Variants in MEMO1 observed in about 807,000 individuals in gnomAD.
The protein encoded by MEMO1 is mediator of cell motility 1.
Under a neutral mutation model 45.2 loss-of-function variants are expected in MEMO1, and 6 were observed. That is an observed-to-expected ratio of 0.13 (90% confidence interval 0.07 to 0.26). The LOEUF (loss-of-function observed/expected upper bound fraction) is 0.26. MEMO1 is among the 10% of genes least tolerant of loss of function. The pLI is 1.00. For synonymous variants in MEMO1, 78 were observed against 124.3 expected (o/e 0.63, Z 2.48); for missense variants, 184 against 370.5 (o/e 0.50, Z 4.13).
At chr2:31,903,245 C>T (rs1287916458) in intron 6 of MEMO1, among the ~76,000 whole-genome samples, 2 of 152,090 alleles carry the variant, frequency 1.3e-5, no homozygotes, top group Non-Finnish European at 1.5e-5. Context: ...TAGAAGCAGT[C>T]CCAGTATCTT....
intron 7 of MEMO1, among the ~76,000 whole-genome samples, chr2:31,884,631 A>C (rs1267349531): frequency 6.6e-6 from 1 of 152,244 alleles, no homozygotes; most frequent in Non-Finnish European, 1.5e-5. Flanking sequence ...ACCACACATC[A>C]TAGAACTGAA....
chr2:31,882,519 G>GA (rs566741050), intron 8 of MEMO1, among the ~76,000 whole-genome samples: 15 of 150,372 alleles, frequency 1.0e-4, no homozygotes, highest in South Asian at 2.1e-4. Flanking sequence ...AAATTTGAAG[G>GA]AAAAAAAAAG....
At chr2:31,891,712 G>T (rs769777894) in intron 7 of MEMO1, among the ~76,000 whole-genome samples, 8 of 152,150 alleles carry the variant, frequency 5.3e-5, no homozygotes, top group African/African-American at 1.2e-4. Flanking sequence ...GAGGTTAAAA[G>T]ATCTTAACTC....
intron 2 of MEMO1, among the ~76,000 whole-genome samples, chr2:31,987,639 G>A (rs964935390): frequency 1.3e-5 from 2 of 152,194 alleles, no homozygotes; most frequent in African/African-American, 2.4e-5. Flanking sequence ...CCCTGTGCCA[G>A]ATAGCTCTGG....
At chr2:31,940,157 C>T (rs987446089) in intron 3 of MEMO1, among the ~76,000 whole-genome samples, 10 of 152,158 alleles carry the variant, frequency 6.6e-5, no homozygotes, top group Admixed American at 2.0e-4. Context: ...CATCTTTATT[C>T]TAGCCTCTAA....
At chr2:31,868,551 G>A in intron 9 of MEMO1, 59 bp from the exon 10 acceptor site, 1 of 1,469,450 alleles carries the variant, frequency 6.8e-7, no homozygotes, top group African/African-American at 1.4e-5. Flanking sequence ...GGCACTCAAT[G>A]TGTTTGCGGT....
intron 6 of MEMO1, among the ~76,000 whole-genome samples, chr2:31,903,481 T>A (rs1430082600): frequency 6.6e-6 from 1 of 152,132 alleles, no homozygotes; most frequent in African/African-American, 2.4e-5. Context: ...GCTGATAAAA[T>A]ATATTCTAAT....
chr2:31,933,873 C>T (rs1472687267), intron 3 of MEMO1, among the ~76,000 whole-genome samples: 1 of 152,116 alleles, frequency 6.6e-6, no homozygotes, highest in Non-Finnish European at 1.5e-5. Flanking sequence ...GCTCAGCACA[C>T]TCAGTTTTGA....
chr2:31,908,726 T>C (rs182057945), intron 6 of MEMO1, among the ~76,000 whole-genome samples: 87 of 152,318 alleles, frequency 5.7e-4, no homozygotes, highest in African/African-American at 1.9e-3. Context: ...AAATACCCAC[T>C]TCACTGAGTA....
intron 2 of MEMO1, among the ~76,000 whole-genome samples, chr2:31,992,994 A>G (rs1672134359): frequency 6.6e-6 from 1 of 152,172 alleles, no homozygotes; most frequent in African/African-American, 2.4e-5. Context: ...AAATGCTTCC[A>G]ACTAATGTCA....
At chr2:31,943,228 G>A in intron 3 of MEMO1, 74 bp downstream of exon 3, 2 of 1,105,134 alleles carry the variant, frequency 1.8e-6, no homozygotes, top group Non-Finnish European at 2.8e-6. Flanking sequence ...CCATGCCACT[G>A]TACTTCAGCC....
intron 6 of MEMO1, among the ~76,000 whole-genome samples, chr2:31,910,324 C>A (rs1410208641): frequency 1.3e-5 from 2 of 152,034 alleles, no homozygotes; most frequent in Non-Finnish European, 2.9e-5. Context: ...ATAAAGCAAG[C>A]AAGCAAGTAC....
intron 2 of MEMO1, among the ~76,000 whole-genome samples, chr2:31,960,632 CTGGAG>C (rs1198361463): frequency 6.6e-6 from 1 of 152,150 alleles, no homozygotes; most frequent in Non-Finnish European, 1.5e-5. Flanking sequence ...ATTACCCAGG[CTGGAG>C]TGCAGTGGTG....
At position 31,948,853 on chromosome 2, in the gene MEMO1, T is replaced by G. The variant is rs934440964; in HGVS notation, c.62-5470A>C. 3.3e-5 allele frequency among the ~76,000 whole-genome samples: 5 copies of G among 152,140 alleles called. No individual in the cohort carries two copies. The South Asian group carries it at 6.2e-4, about 19-fold the overall frequency. ...CTTTAAACTGAATAAATTAACCACA[T>G]TTCATCAACTTCAAAATGCCATCAA... On this transcript the variant is annotated intron_variant, in intron 2 of 9. Coordinates refer to ENST00000404530, the MANE Select transcript of MEMO1 (RefSeq NM_001301833.4).
At chr2:31,923,641 G>GA (rs1370958264) in intron 4 of MEMO1, 2 of 1,547,132 alleles carry the variant, frequency 1.3e-6, no homozygotes, top group Non-Finnish European at 8.7e-7. Flanking sequence ...TATGAACCAA[G>GA]AATCAAATAA....
At chr2:31,975,444 T>TA (rs2148478575) in intron 2 of MEMO1, among the ~76,000 whole-genome samples, 1 of 152,252 alleles carries the variant, frequency 6.6e-6, no homozygotes, top group Non-Finnish European at 1.5e-5. Context: ...ACCAGTTATG[T>TA]AAAAGCCCAT....
chr2:31,916,324 G>A (rs1002732736), intron 6 of MEMO1, among the ~76,000 whole-genome samples: 2 of 152,036 alleles, frequency 1.3e-5, no homozygotes, highest in Non-Finnish European at 1.5e-5. Context: ...AACCACCCAG[G>A]CTCAAGCAAT....
chr2:31,945,120 T>C (rs1230258560), intron 2 of MEMO1, among the ~76,000 whole-genome samples: 2 of 152,228 alleles, frequency 1.3e-5, no homozygotes, highest in Non-Finnish European at 2.9e-5. Flanking sequence ...TTTTCAAATG[T>C]TGTATCAATA....
Position 31,943,377 on chromosome 2 carries a change from T to A in MEMO1, c.68A>T (p.Gln23Leu). 1 of 1,613,068 alleles carries A rather than the reference T, an allele frequency of 6.2e-7. No individual in the cohort carries two copies. ...CCAACCTTCTAGCTGTGCATTCAGC[T>A]GCGGTCCTATAAAAAGACAAAGACA... ...AGSWYTASGP[Q>L]LNAQLEGWLS... The change falls in exon 3 of 10, where the codon CAG (glutamine) becomes CTG (leucine). Residue 23 changes from glutamine to leucine, a missense_variant. Physicochemically the swap from Gln to Leu is moderately radical, Grantham distance 113. Coordinates refer to ENST00000404530, the MANE Select transcript of MEMO1 (RefSeq NM_001301833.4).
Sources: gnomAD v4.1 joint callset for allele counts (sites outside exome capture counted in the v4.1 genomes callset) on GRCh38, gnomAD v4.1.1 for gene constraint, MANE v1.5 for transcripts, NCBI Gene and HGNC (gene_info 2026-07-23, HGNC 2026-07-21) for gene names.